ARHGAP44: variants seen among roughly 807,000 people sequenced by gnomAD.
ARHGAP44 encodes the protein rho GTPase-activating protein 44.
A neutral mutation model predicts 106.8 loss-of-function variants in ARHGAP44; 43 were observed. The ratio of observed to expected loss-of-function variants is 0.40; its 90% confidence interval spans 0.32 to 0.52. The LOEUF is 0.52. ARHGAP44 is among the 20% of genes least tolerant of loss of function. ARHGAP44 has a pLI of 0.48. For missense variants in ARHGAP44, 866 were observed against 1,050.5 expected (o/e 0.82, Z 2.43); for synonymous variants, 439 against 410.3 (o/e 1.07, Z -0.85).
chr17:12,958,612 A>T lies in ARHGAP44; in HGVS notation c.1343-105A>T. The T allele has an allele frequency of 9.1e-7, 1 of 1,099,324 alleles. No homozygotes were observed. Among genetic ancestry groups the T allele is most frequent in the Non-Finnish European group, 1.3e-6 (1 of 764,224 alleles). The allele number at this position is 1,099,324 out of a possible 1,614,324, so 68.1% of individuals were successfully genotyped here. A position where few individuals can be genotyped will look rare whatever the true frequency, so the allele number is the denominator to read the frequency against. On this transcript the variant is annotated intron_variant, in intron 15 of 20. Transcript: ENST00000379672. This position sits in a 1 kb window ranked among gnomAD's most constrained non-coding sequence, Gnocchi z 4.1. ...GGTGAACCATGGGATGAAATTTTCT[A>T]GGGATGACATACGAGGGAGTGGGTG...
At chr17:12,981,877 G>A (rs573645189) in intron 19 of ARHGAP44, among the ~76,000 whole-genome samples, 16 of 152,190 alleles carry the variant, frequency 1.1e-4, no homozygotes, top group Non-Finnish European at 1.3e-4. Flanking sequence ...TGGGCGTGGT[G>A]GTGGGCGTCT....
At chr17:12,853,705 A>G (rs1028345243) in intron 1 of ARHGAP44, among the ~76,000 whole-genome samples, 1 of 152,214 alleles carries the variant, frequency 6.6e-6, no homozygotes, top group Admixed American at 6.5e-5. Context: ...GACATGACAG[A>G]GTTAACTCGC....
At chr17:12,973,798 G>A (rs1425158082) in intron 17 of ARHGAP44, 8 of 550,660 alleles carry the variant, frequency 1.5e-5, no homozygotes, top group African/African-American at 3.9e-5. Flanking sequence ...GGCTTTGGCA[G>A]AGGGTTGAAG....
At chr17:12,989,406 T>TTCA (rs550514241) in intron 20 of ARHGAP44, among the ~76,000 whole-genome samples, 33 of 152,318 alleles carry the variant, frequency 2.2e-4, no homozygotes, top group African/African-American at 7.2e-4. Context: ...ATTTCTCCTG[T>TTCA]TCATCTTGCC....
intron 1 of ARHGAP44, among the ~76,000 whole-genome samples, chr17:12,824,677 C>T (rs62060423): frequency 0.062 from 9,497 of 152,066 alleles, 408 homozygotes; most frequent in African/African-American, 0.12. Context: ...TAATTATTTT[C>T]GGTGTTTCCC....
At chr17:12,934,394 C>G (rs1412216288) in intron 7 of ARHGAP44, among the ~76,000 whole-genome samples, 1 of 152,204 alleles carries the variant, frequency 6.6e-6, no homozygotes, top group African/African-American at 2.4e-5. Context: ...AACCTTGAGT[C>G]TGAACCTACA....
intron 5 of ARHGAP44, among the ~76,000 whole-genome samples, chr17:12,916,608 C>A (rs142526417): frequency 0.015 from 2,341 of 152,318 alleles, 67 homozygotes; most frequent in African/African-American, 0.054. Context: ...TGGTCTCGAA[C>A]TCCTGACCTC....
intron 4 of ARHGAP44, among the ~76,000 whole-genome samples, chr17:12,914,633 A>C (rs554277998): frequency 6.6e-6 from 1 of 152,160 alleles, no homozygotes; most frequent in Admixed American, 6.5e-5. Flanking sequence ...CATGTCTACT[A>C]AAAATACAAA....
intron 1 of ARHGAP44, among the ~76,000 whole-genome samples, chr17:12,873,440 G>C (rs776666454): frequency 1.4e-4 from 22 of 152,224 alleles, no homozygotes; most frequent in Non-Finnish European, 3.1e-4. Context: ...TTAGGGAGAA[G>C]TCAATAATTG....
At chr17:12,886,204 T>C (rs893920240) in intron 1 of ARHGAP44, among the ~76,000 whole-genome samples, 4 of 152,168 alleles carry the variant, frequency 2.6e-5, no homozygotes, top group Admixed American at 2.0e-4. Flanking sequence ...GGTTTCTTTA[T>C]TTTTGCCAAG....
chr17:12,865,790 G>GA (rs34877405), intron 1 of ARHGAP44, among the ~76,000 whole-genome samples: 64,224 of 118,958 alleles, frequency 0.54, 17,505 homozygotes, highest in East Asian at 0.65. Flanking sequence ...CTCATCTCAA[G>GA]AAAAAAAAAA....
At chr17:12,858,823 G>A (rs1186975049) in intron 1 of ARHGAP44, among the ~76,000 whole-genome samples, 1 of 152,198 alleles carries the variant, frequency 6.6e-6, no homozygotes, top group South Asian at 2.1e-4. Flanking sequence ...TGGACTCACA[G>A]TTCCACATGG....
At chr17:12,894,304 AGGGG>A (rs909933498) in intron 1 of ARHGAP44, among the ~76,000 whole-genome samples, 1 of 87,972 alleles carries the variant, frequency 1.1e-5, no homozygotes, top group Non-Finnish European at 2.3e-5. Context: ...TGAGAAAGAG[AGGGG>A]GAGAGAGAGA....
At chr17:12,931,510 T>G (rs549381364) in intron 7 of ARHGAP44, among the ~76,000 whole-genome samples, 1 of 150,816 alleles carries the variant, frequency 6.6e-6, no homozygotes, top group Non-Finnish European at 1.5e-5. Context: ...TTATTTATTT[T>G]TTTTGAGACG....
chr17:12,906,573 C>G (rs573760018), intron 3 of ARHGAP44, among the ~76,000 whole-genome samples: 33 of 152,268 alleles, frequency 2.2e-4, no homozygotes, highest in African/African-American at 5.5e-4. Flanking sequence ...TACAAATGAA[C>G]AGCCAGATGA....
At chr17:12,857,768 A>G (rs114446003) in intron 1 of ARHGAP44, among the ~76,000 whole-genome samples, 10 of 1,836 alleles carry the variant, frequency 5.4e-3, no homozygotes, top group African/African-American at 0.014. Context: ...TGCCCATGTT[A>G]TTTATTTATT....
intron 1 of ARHGAP44, among the ~76,000 whole-genome samples, chr17:12,854,210 A>G (rs1279947595): frequency 6.6e-6 from 1 of 152,190 alleles, no homozygotes; most frequent in Non-Finnish European, 1.5e-5. Context: ...AGTTTCAAAC[A>G]GCTTCTGTAG....
intron 6 of ARHGAP44, among the ~76,000 whole-genome samples, chr17:12,921,909 C>A (rs926288335): frequency 6.6e-6 from 1 of 152,034 alleles, no homozygotes. Flanking sequence ...ACAGAGCAGT[C>A]CCCCAAGACC....
intron 1 of ARHGAP44, among the ~76,000 whole-genome samples, chr17:12,872,824 C>A (rs935791387): frequency 6.6e-6 from 1 of 151,784 alleles, no homozygotes; most frequent in Non-Finnish European, 1.5e-5. Context: ...TTTCTTTTTT[C>A]AGGAACTTCA....
Sources: allele counts gnomAD v4.1 joint callset (sites outside exome capture counted in the v4.1 genomes callset), GRCh38; gene constraint gnomAD v4.1.1; non-coding constraint Gnocchi (gnomAD v3.1); transcripts MANE v1.5; gene names NCBI Gene and HGNC (gene_info 2026-07-23, HGNC 2026-07-21).